MTRR: variants seen among roughly 807,000 people sequenced by gnomAD.
The protein encoded by MTRR is 5-methyltetrahydrofolate-homocysteine methyltransferase reductase, also known as methionine synthase reductase.
MTRR carries 63 observed loss-of-function variants against 79.2 expected under a neutral mutation model. The ratio of observed to expected loss-of-function variants is 0.80; its 90% CI spans 0.65 to 0.98. The LOEUF (loss-of-function observed/expected upper bound fraction) is 0.98. Ranked by LOEUF, MTRR falls within the 50% of genes least tolerant of loss-of-function variation. The probability of loss-of-function intolerance (pLI) is 0.00; values close to 1 mark genes in which losing one functional copy is unlikely to be tolerated. For missense variants in MTRR, 895 were observed against 839.6 expected (o/e 1.07, Z -0.82); for synonymous variants, 355 against 313.3 (o/e 1.13, Z -1.41).
upstream of MTRR, chr5:7,850,921 C>T: frequency 1.5e-6 from 2 of 1,360,658 alleles, no homozygotes; most frequent in African/African-American, 1.5e-5. Flanking sequence ...GTCCAGGCGC[C>T]GCGGCGGGAT....
chr5:7,870,629 G>A (rs918594236), intron 1 of MTRR, 141 bp from the exon 2 acceptor site: 29 of 868,430 alleles, frequency 3.3e-5, no homozygotes, highest in Non-Finnish European at 5.2e-5. Context: ...TGAGATTAGT[G>A]CTGAAAACAA....
chr5:7,889,334 C>T, intron 9 of MTRR, 59 bp downstream of exon 9: 2 of 1,599,028 alleles, frequency 1.3e-6, no homozygotes, highest in Non-Finnish European at 1.7e-6. Context: ...AGGCGGGCCA[C>T]CTTTCTGTAG....
chr5:7,854,523 G>A (rs1017836424), intron 1 of MTRR, among the ~76,000 whole-genome samples: 1 of 152,154 alleles, frequency 6.6e-6, no homozygotes, highest in African/African-American at 2.4e-5. Flanking sequence ...GGAGGCCTCA[G>A]AATCATGGCA....
At chr5:7,877,652 T>C (rs1734803056) in intron 4 of MTRR, among the ~76,000 whole-genome samples, 9 of 152,204 alleles carry the variant, frequency 5.9e-5, no homozygotes, top group Admixed American at 5.9e-4. Flanking sequence ...AATTCTGGAA[T>C]ATTAGGAGGA....
At chr5:7,863,416 A>G (rs1372711927) in intron 2 of MTRR, 1 of 160,820 alleles carries the variant, frequency 6.2e-6, no homozygotes, top group Non-Finnish European at 1.3e-5. Context: ...AAAATCCAAA[A>G]TCCAAAATGC....
chr5:7,857,478 C>A (rs1277908938), intron 1 of MTRR, among the ~76,000 whole-genome samples: 1 of 152,166 alleles, frequency 6.6e-6, no homozygotes, highest in Non-Finnish European at 1.5e-5. Flanking sequence ...GGTCTAGCCT[C>A]CCTCCCTGGG....
Position 7,899,941 on chromosome 5 carries a change from A to T in MTRR, c.1980A>T (p.Val660=). Residue 660 remains valine, a synonymous_variant, in exon 15 of 15, where the codon GTA becomes GTT. Coordinates refer to ENST00000440940, the MANE Select transcript of MTRR (RefSeq NM_002454.3). The part of the protein sequence containing the change: ...CGDAKNMAKD[V]HDALVQIISK... Reference sequence around the variant, plus strand: ...ATGCAAAGAATATGGCCAAGGATGTACATGATGCCCTTGTGCAAATAATAA... The same window carrying T: ...ATGCAAAGAATATGGCCAAGGATGTTCATGATGCCCTTGTGCAAATAATAA... 6.2e-7 allele frequency: 1 copy of T among 1,614,218 alleles called. No homozygotes were observed. Among genetic ancestry groups the T allele is most frequent in the Non-Finnish European group, 8.5e-7 (1 of 1,180,034 alleles).
intron 9 of MTRR, among the ~76,000 whole-genome samples, chr5:7,889,630 G>T (rs1014836404): frequency 6.6e-6 from 1 of 152,016 alleles, no homozygotes; most frequent in Non-Finnish European, 1.5e-5. Context: ...TTTTCAGAAA[G>T]GTTGTTTAGC....
upstream of MTRR, chr5:7,868,133 TG>T: frequency 7.9e-7 from 1 of 1,259,098 alleles, no homozygotes; most frequent in Non-Finnish European, 1.1e-6. Context: ...TAAAAACACA[TG>T]GTTAAATACA....
intron 1 of MTRR, chr5:7,861,425 TA>T: frequency 1.6e-6 from 1 of 619,304 alleles, no homozygotes; most frequent in Non-Finnish European, 2.6e-6. Flanking sequence ...TTAATGTTTA[TA>T]AAATATTACA....
Position 7,900,408 on chromosome 5 carries a change from A to C in MTRR, c.*350A>C. ...TGCAAAGGCTTCCTGAAATAGGGAG[A>C]CTGACTGAGTAGCTCATTCTTGTGA... On this transcript the variant is annotated 3_prime_UTR_variant, in exon 15 of 15. Coordinates refer to ENST00000440940, the MANE Select transcript of MTRR (RefSeq NM_002454.3). The C allele has an allele frequency of 3.8e-6, 1 of 266,098 alleles. No individual in the cohort carries two copies. The highest frequency in any genetic ancestry group is 5.2e-5 in the South Asian group (1 of 19,224). 16.5% of individuals were successfully genotyped at this position (266,098 alleles called of 1,614,324 possible).
At chr5:7,872,037 A>G (rs3822444) in intron 2 of MTRR, among the ~76,000 whole-genome samples, 6,169 of 152,064 alleles carry the variant, frequency 0.041, 283 homozygotes, top group East Asian at 0.22. Flanking sequence ...TAGTCATGCT[A>G]TTTATCCTCC....
chr5:7,866,362 T>A (rs1467817013), upstream of MTRR, among the ~76,000 whole-genome samples: 1 of 151,332 alleles, frequency 6.6e-6, no homozygotes, highest in Non-Finnish European at 1.5e-5. Flanking sequence ...AGTTCTAACA[T>A]GTTAATGTGG....
chr5:7,880,093 G>A (rs1295380357), intron 5 of MTRR, among the ~76,000 whole-genome samples: 1 of 152,210 alleles, frequency 6.6e-6, no homozygotes, highest in Non-Finnish European at 1.5e-5. Flanking sequence ...CAAACTGTTA[G>A]AACCCTAAAA....
At chr5:7,899,889 G>A (rs747496319) in intron 14 of MTRR, 25 bp from the exon 15 acceptor site, 1 of 1,614,038 alleles carries the variant, frequency 6.2e-7, no homozygotes, top group Non-Finnish European at 8.5e-7. Context: ...TTTGTAAGCA[G>A]TCATCTTATT....
chr5:7,877,509 A>G (rs1284876967), intron 4 of MTRR, among the ~76,000 whole-genome samples: 1 of 151,702 alleles, frequency 6.6e-6, no homozygotes, highest in Non-Finnish European at 1.5e-5. Context: ...TAGGCAAAAA[A>G]AAAAAAAAAA....
Position 7,875,394 on chromosome 5 carries a change from G to C in MTRR, c.401+19G>C. The C allele has an allele frequency of 6.4e-7, 1 of 1,553,442 alleles. No homozygotes were observed. Among genetic ancestry groups the C allele is most frequent in the Non-Finnish European group, 8.9e-7 (1 of 1,124,672 alleles). ...GTGTAGGGTAAGGGCAGTGTTCTCT[G>C]TTTACTCCAATAAGCCCTCTATACA... On this transcript the variant is annotated intron_variant, in intron 4 of 14. Transcript: ENST00000440940.
chr5:7,878,353 C>G, intron 5 of MTRR, 31 bp downstream of exon 5: 1 of 1,610,542 alleles, frequency 6.2e-7, no homozygotes, highest in Admixed American at 1.7e-5. Context: ...GCTATAGATG[C>G]TATTTAATCA....
rs1739225672 is a variant in MTRR at position 7,900,028 on chromosome 5, A to T, written c.2067A>T (p.Glu689Asp). The T allele has an allele frequency of 6.2e-7, 1 of 1,613,962 alleles. No homozygotes were observed. Among genetic ancestry groups the T allele is most frequent in the African/African-American group, 1.3e-5 (1 of 75,006 alleles). Reference sequence around the variant, plus strand: ...AAACCCTGGCCACTTTAAAAGAAGAAAAACGCTACCTTCAGGATATTTGGT... The same window carrying T: ...AAACCCTGGCCACTTTAAAAGAAGATAAACGCTACCTTCAGGATATTTGGT... The part of the protein sequence containing the change: ...AMKTLATLKE[E>D]KRYLQDIWS Residue 689 changes from glutamate (E) to aspartate (D), a missense_variant, in exon 15 of 15, where the codon GAA (glutamate) becomes GAT (aspartate). Coordinates refer to ENST00000440940, the MANE Select transcript of MTRR (RefSeq NM_002454.3).
Sources: allele counts gnomAD v4.1 joint callset (sites outside exome capture counted in the v4.1 genomes callset), GRCh38; gene constraint gnomAD v4.1.1; transcripts MANE v1.5; gene names NCBI Gene and HGNC (gene_info 2026-07-23, HGNC 2026-07-21).